The following CCDC7 variants were observed in gnomAD, a reference collection of about 807,000 sequenced individuals.
CCDC7 encodes the protein coiled-coil domain-containing protein 7.
CCDC7 carries 183 observed loss-of-function variants against 196.9 expected under a neutral mutation model. The observed-to-expected ratio is 0.93, with a 90% CI of 0.82 to 1.05. The LOEUF is 1.05. Among genes scored for constraint, CCDC7 ranks in the 50% least tolerant of loss-of-function variants. The probability of loss-of-function intolerance (pLI) is 0.00; values close to 1 mark genes in which losing one functional copy is unlikely to be tolerated. For synonymous variants in CCDC7, 525 were observed against 484.6 expected (o/e 1.08, Z -1.10); for missense variants, 1,540 against 1,482.2 (o/e 1.04, Z -0.64).
chr10:32,550,013 A>G (rs1044148203), intron 13 of CCDC7, among the ~76,000 whole-genome samples: 1 of 152,012 alleles, frequency 6.6e-6, no homozygotes, highest in Non-Finnish European at 1.5e-5. Flanking sequence ...CAGTATGGTC[A>G]TTTTCACAAT....
At chr10:32,849,701 C>CAAAAAA (rs34677799) in intron 39 of CCDC7, among the ~76,000 whole-genome samples, 23 of 80,714 alleles carry the variant, frequency 2.8e-4, no homozygotes, top group South Asian at 4.4e-4. Flanking sequence ...GACTCCGTCT[C>CAAAAAA]AAAAAAAAAA....
chr10:32,811,617 G>A (rs2135348070), intron 30 of CCDC7, among the ~76,000 whole-genome samples: 1 of 152,162 alleles, frequency 6.6e-6, no homozygotes, highest in Middle Eastern at 3.4e-3. Flanking sequence ...ATGACTAGAT[G>A]GCCTCACTGC....
At chr10:32,688,968 C>A in intron 22 of CCDC7, 85 bp from the exon 24 acceptor site, 1 of 796,278 alleles carries the variant, frequency 1.3e-6, no homozygotes, top group Non-Finnish European at 2.1e-6. Flanking sequence ...GAGAAAATGC[C>A]ACTGCACATT....
At chr10:32,511,339 G>A in intron 9 of CCDC7, 2 of 1,558,776 alleles carry the variant, frequency 1.3e-6, no homozygotes, top group Admixed American at 3.7e-5. Context: ...TTCCTTTATT[G>A]GCAACTTTTG....
intron 18 of CCDC7, among the ~76,000 whole-genome samples, chr10:32,622,777 A>G (rs2063554200): frequency 1.3e-5 from 2 of 152,256 alleles, no homozygotes; most frequent in Admixed American, 6.5e-5. Context: ...CCTCCAGTTG[A>G]GAACTACTGT....
At chr10:32,449,936 T>C (rs2032576849), upstream of CCDC7, among the ~76,000 whole-genome samples, 1 of 152,248 alleles carries the variant, frequency 6.6e-6, no homozygotes, top group South Asian at 2.1e-4. Flanking sequence ...CCAACTCTGC[T>C]GGTGCCTTGT....
exon 13 of CCDC7, chr10:32,544,272 A>G: frequency 3.1e-6 from 5 of 1,609,156 alleles, no homozygotes; most frequent in Non-Finnish European, 4.2e-6. Flanking sequence ...AAAAGAGTTT[A>G]AAATAAAAGA....
chr10:32,698,995 C>T (rs1445976175), intron 24 of CCDC7, among the ~76,000 whole-genome samples: 1 of 152,160 alleles, frequency 6.6e-6, no homozygotes, highest in African/African-American at 2.4e-5. Context: ...ATCAGACTAA[C>T]AGCTGATCTC....
intron 21 of CCDC7, among the ~76,000 whole-genome samples, chr10:32,670,860 T>A (rs1391244854): frequency 6.6e-6 from 1 of 152,094 alleles, no homozygotes; most frequent in Non-Finnish European, 1.5e-5. Context: ...AACTTTGGGT[T>A]TAGTTTGTTC....
chr10:32,492,262 C>G (rs2042265667), intron 9 of CCDC7, among the ~76,000 whole-genome samples: 1 of 151,912 alleles, frequency 6.6e-6, no homozygotes, highest in East Asian at 1.9e-4. Context: ...AAAATATGTG[C>G]TATGGGAAAA....
At chr10:32,586,900 CA>C (rs1409644772) in intron 18 of CCDC7, among the ~76,000 whole-genome samples, 2 of 152,098 alleles carry the variant, frequency 1.3e-5, no homozygotes, top group Non-Finnish European at 2.9e-5. Flanking sequence ...GATACAGGAG[CA>C]ACACTCTTCT....
chr10:32,661,847 G>A (rs966122332), intron 20 of CCDC7, among the ~76,000 whole-genome samples: 1 of 152,140 alleles, frequency 6.6e-6, no homozygotes, highest in Non-Finnish European at 1.5e-5. Flanking sequence ...TTTGGAGTAG[G>A]GGTGGCACAG....
intron 11 of CCDC7, among the ~76,000 whole-genome samples, chr10:32,541,655 CTGAGGCAG>C (rs2051456803): frequency 6.6e-6 from 1 of 152,214 alleles, no homozygotes; most frequent in Non-Finnish European, 1.5e-5. Flanking sequence ...GTGGTCTTTA[CTGAGGCAG>C]TGACATTGGT....
At chr10:32,477,436 C>T (rs568666363) in intron 8 of CCDC7, among the ~76,000 whole-genome samples, 4 of 151,854 alleles carry the variant, frequency 2.6e-5, no homozygotes, top group East Asian at 3.9e-4. Flanking sequence ...CTCCTGAACT[C>T]GTGATCCGCC....
chr10:32,793,678 T>A (rs1565519940), intron 29 of CCDC7, among the ~76,000 whole-genome samples: 1 of 152,254 alleles, frequency 6.6e-6, no homozygotes, highest in Non-Finnish European at 1.5e-5. Flanking sequence ...ACATTTGTTA[T>A]TCAAGAAAAT....
At chr10:32,701,836 T>A (rs570599039) in intron 24 of CCDC7, among the ~76,000 whole-genome samples, 2 of 152,322 alleles carry the variant, frequency 1.3e-5, no homozygotes, top group African/African-American at 2.4e-5. Flanking sequence ...TGATGGTAGT[T>A]TGTATTTCTG....
intron 18 of CCDC7, among the ~76,000 whole-genome samples, chr10:32,603,883 T>C (rs2061323375): frequency 1.3e-5 from 2 of 152,166 alleles, no homozygotes; most frequent in African/African-American, 4.8e-5. Flanking sequence ...TTTGCAAATA[T>C]TTTCTCTCAT....
intron 28 of CCDC7, among the ~76,000 whole-genome samples, chr10:32,772,527 C>T (rs552635122): frequency 3.3e-5 from 5 of 152,344 alleles, no homozygotes; most frequent in African/African-American, 1.2e-4. Context: ...CTGCTTTTCA[C>T]TCTCCCCAAC....
chr10:32,843,430 T>A (rs2093098680), intron 33 of CCDC7, among the ~76,000 whole-genome samples: 1 of 152,038 alleles, frequency 6.6e-6, no homozygotes. Context: ...TAAAATTGAC[T>A]GTGGTCAGAG....
Sources: allele counts gnomAD v4.1 joint callset (sites outside exome capture counted in the v4.1 genomes callset), GRCh38; gene constraint gnomAD v4.1.1; transcripts MANE v1.5; gene names NCBI Gene and HGNC (gene_info 2026-07-23, HGNC 2026-07-21).